Variants in TBL1XR1 observed in about 807,000 individuals in gnomAD.
The protein encoded by TBL1XR1 is F-box-like/WD repeat-containing protein TBL1XR1.
Under a neutral mutation model 66.9 loss-of-function variants are expected in TBL1XR1, and 5 were observed. The observed-to-expected ratio is 0.07, with a 90% CI of 0.04 to 0.16. TBL1XR1 has a LOEUF of 0.16. TBL1XR1 is among the 10% of genes least tolerant of loss of function. The pLI is 1.00. For synonymous variants in TBL1XR1, 210 were observed against 206.0 expected (o/e 1.02, Z -0.17); for missense variants, 238 against 623.2 (o/e 0.38, Z 6.58).
chr3:177,091,093 C>T (rs1722783825), intron 2 of TBL1XR1: 1 of 151,756 alleles, frequency 6.6e-6, no homozygotes, highest in African/African-American at 2.4e-5. Flanking sequence ...GACAAGCTGA[C>T]CCAACTATAT....
At chr3:177,030,995 C>T (rs1159497182) in intron 14 of TBL1XR1, among the ~76,000 whole-genome samples, 1 of 152,088 alleles carries the variant, frequency 6.6e-6, no homozygotes, top group Admixed American at 6.5e-5. Context: ...ACCTATAATC[C>T]CAGCTACTCA....
At chr3:177,154,356 A>G (rs1243920008) in intron 1 of TBL1XR1, among the ~76,000 whole-genome samples, 1 of 152,140 alleles carries the variant, frequency 6.6e-6, no homozygotes, top group Non-Finnish European at 1.5e-5. Context: ...AAATGTGTGT[A>G]CCTAACACCT....
intron 2 of TBL1XR1, among the ~76,000 whole-genome samples, chr3:177,066,450 C>T (rs1025320221): frequency 7.9e-5 from 12 of 152,088 alleles, no homozygotes; most frequent in African/African-American, 2.7e-4. Context: ...AGAAGCATCC[C>T]ATGAGCTGCA....
chr3:177,085,984 A>G lies in TBL1XR1; in HGVS notation c.-46+12482T>C, dbSNP rs147605418. The stretch of plus-strand genomic sequence containing the variant: ...GTATATGATATGGAATCACTTCTCT[A>G]AACATTAGTTCTTCATTTGTAAAAT... On this transcript the variant is annotated intron_variant, in intron 2 of 15. Coordinates refer to ENST00000457928, the MANE Select transcript of TBL1XR1 (RefSeq NM_024665.7). Among the ~76,000 whole-genome samples the G allele has an allele frequency of 9.8e-4, 149 of 152,242 alleles. 2 individuals are homozygous for G. In the East Asian group the frequency reaches 0.015, roughly 16 times the overall value.
At chr3:177,182,952 G>C (rs989930407) in intron 1 of TBL1XR1, among the ~76,000 whole-genome samples, 1 of 152,102 alleles carries the variant, frequency 6.6e-6, no homozygotes. Flanking sequence ...CTAAGCTACA[G>C]CTGTTCAGAT....
Position 177,051,520 on chromosome 3 carries a change from T to G in TBL1XR1, c.411A>C (p.Gly137=). ...GENTANGEEN[G]AHTIANNHTD... ...TGAGCTCACTTGCTATAGTATGTGCTCCATTCTCCTCCCCATTTGCTGTGT... is the reference window on the plus strand; with the variant it reads ...TGAGCTCACTTGCTATAGTATGTGCGCCATTCTCCTCCCCATTTGCTGTGT... The change falls in exon 5 of 16, where the codon GGA becomes GGC. Residue 137 remains glycine, a synonymous_variant. Transcript: ENST00000457928. 6.2e-7 allele frequency: 1 copy of G among 1,612,854 alleles called. No homozygotes were observed. Among genetic ancestry groups the G allele is most frequent in the East Asian group, 2.2e-5 (1 of 44,830 alleles).
chr3:177,055,762 T>A (rs554643273), intron 3 of TBL1XR1, among the ~76,000 whole-genome samples: 146 of 152,220 alleles, frequency 9.6e-4, no homozygotes, highest in African/African-American at 3.4e-3. Flanking sequence ...ATATAACCCC[T>A]CCCTGAATAA....
At chr3:177,096,327 T>TACACACACACACACACACACACACACAC (rs1325905920) in intron 2 of TBL1XR1, among the ~76,000 whole-genome samples, 2 of 108,270 alleles carry the variant, frequency 1.8e-5, no homozygotes, top group East Asian at 3.0e-4. Flanking sequence ...CACACTAACA[T>TACACACACACACACACACACACACACAC]ACATACATAC....
At chr3:177,148,113 G>A (rs2108842420) in intron 1 of TBL1XR1, among the ~76,000 whole-genome samples, 1 of 152,272 alleles carries the variant, frequency 6.6e-6, no homozygotes, top group East Asian at 1.9e-4. Flanking sequence ...TGTTCTGAAT[G>A]AAGAATCAAT....
upstream of TBL1XR1, among the ~76,000 whole-genome samples, chr3:177,200,097 C>T (rs921030127): frequency 3.3e-5 from 5 of 151,930 alleles, no homozygotes; most frequent in African/African-American, 1.2e-4. Context: ...CTCAGCCTCC[C>T]GAGTAGTTGG....
intron 1 of TBL1XR1, among the ~76,000 whole-genome samples, chr3:177,183,198 T>C (rs1439913666): frequency 6.6e-6 from 1 of 152,204 alleles, no homozygotes; most frequent in Non-Finnish European, 1.5e-5. Context: ...AGTAGAAAAG[T>C]ACAATTCTAT....
intron 3 of TBL1XR1, among the ~76,000 whole-genome samples, chr3:177,056,868 G>A (rs1368383184): frequency 3.3e-5 from 5 of 151,984 alleles, no homozygotes; most frequent in South Asian, 4.2e-4. Context: ...CCAGATCTGC[G>A]TTTAGTCCCC....
chr3:177,143,780 T>A (rs1729911584), intron 1 of TBL1XR1, among the ~76,000 whole-genome samples: 1 of 152,212 alleles, frequency 6.6e-6, no homozygotes, highest in Admixed American at 6.5e-5. Context: ...CTCTGATAGT[T>A]CATTCAGGCT....
intron 10 of TBL1XR1, among the ~76,000 whole-genome samples, chr3:177,043,648 G>T (rs1715913498): frequency 1.3e-5 from 2 of 152,012 alleles, no homozygotes; most frequent in Non-Finnish European, 2.9e-5. Flanking sequence ...TGTTGATTCA[G>T]TCTCACAATC....
intron 2 of TBL1XR1, among the ~76,000 whole-genome samples, chr3:177,095,201 C>T (rs1383084105): frequency 3.3e-5 from 5 of 151,606 alleles, no homozygotes; most frequent in Admixed American, 6.6e-5. Flanking sequence ...TGCCAGAGGA[C>T]GGGCTAGGGG....
chr3:177,034,777 G>GA (rs1159076715), intron 12 of TBL1XR1, among the ~76,000 whole-genome samples: 2 of 150,568 alleles, frequency 1.3e-5, no homozygotes, highest in East Asian at 1.9e-4. Context: ...AGTAGCATAG[G>GA]AAATAAAGCT....
At chr3:177,110,847 A>G (rs187827270) in intron 1 of TBL1XR1, 1 of 152,340 alleles carries the variant, frequency 6.6e-6, no homozygotes, top group East Asian at 1.9e-4. Flanking sequence ...AAATTGTCTA[A>G]GGAATACTTC....
intron 14 of TBL1XR1, among the ~76,000 whole-genome samples, chr3:177,031,773 A>C (rs1033542082): frequency 2.0e-5 from 3 of 150,896 alleles, no homozygotes; most frequent in Non-Finnish European, 4.4e-5. Context: ...TTAAAGAAAA[A>C]CAAAAATAAA....
intron 15 of TBL1XR1, chr3:177,025,957 C>A: frequency 3.7e-6 from 1 of 267,544 alleles, no homozygotes; most frequent in Non-Finnish European, 7.0e-6. Flanking sequence ...CTAACCTCAT[C>A]CTGAAAATCT....
Sources: gnomAD v4.1 joint callset for allele counts (sites outside exome capture counted in the v4.1 genomes callset) on GRCh38, gnomAD v4.1.1 for gene constraint, MANE v1.5 for transcripts, NCBI Gene and HGNC (gene_info 2026-07-23, HGNC 2026-07-21) for gene names.